The following LMLN variants were observed in gnomAD, a reference collection of about 807,000 sequenced individuals.
LMLN encodes leishmanolysin like peptidase, also known as leishmanolysin-like peptidase.
Under a neutral mutation model 92.3 loss-of-function variants are expected in LMLN, and 70 were observed. That is an observed-to-expected ratio of 0.76 (90% CI 0.63 to 0.92). The LOEUF (loss-of-function observed/expected upper bound fraction) is 0.92, where lower values mean the gene tolerates loss of function less well. Ranked by LOEUF, LMLN falls within the 40% of genes least tolerant of loss-of-function variation. The pLI is 0.00. For missense variants in LMLN, 691 were observed against 814.6 expected, an observed-to-expected ratio of 0.85 and a Z score of 1.85; for synonymous variants, 308 against 296.2, an observed-to-expected ratio of 1.04 and a Z score of -0.41.
rs1425356967 is a variant in LMLN, at chr3:197,975,030, C to A, written c.318-12C>A. On this transcript the variant is annotated splice_polypyrimidine_tract_variant and intron_variant, in intron 2 of 15. Coordinates refer to ENST00000330198, the Ensembl canonical transcript of LMLN. ...AGAGATAATCCTTATGTTTTTATGT[C>A]ATTATTTTCAGGTTGCTCCCTGAGA... The A allele has an allele frequency of 1.4e-6, 2 of 1,465,070 alleles. No individual in the cohort carries two copies. The highest frequency in any genetic ancestry group is 2.3e-5 in the East Asian group (1 of 43,972). 90.8% of individuals were successfully genotyped at this position (1,465,070 alleles called of 1,614,324 possible).
chr3:197,979,642 CCT>C (rs1253127718), intron 5 of LMLN, among the ~76,000 whole-genome samples: 1 of 152,066 alleles, frequency 6.6e-6, no homozygotes, highest in Non-Finnish European at 1.5e-5. Context: ...ATGGTGAAAC[CCT>C]GTCTCTACTA....
intron 6 of LMLN, among the ~76,000 whole-genome samples, chr3:197,981,897 C>A (rs565555832): frequency 3.3e-5 from 5 of 151,696 alleles, no homozygotes; most frequent in Admixed American, 2.0e-4. Flanking sequence ...CTCTGCCTCC[C>A]GGGTTCAAGC....
chr3:198,042,545 C>T lies in LMLN; in HGVS notation c.*3878C>T, dbSNP rs1248751714. 1.3e-5 allele frequency: 2 copies of T among 152,116 alleles called. No individual in the cohort carries two copies. The highest frequency in any genetic ancestry group is 6.5e-5 in the Admixed American group (1 of 15,268). 9.4% of individuals were successfully genotyped at this position (152,116 alleles called of 1,614,324 possible). On this transcript the variant is annotated 3_prime_UTR_variant, in exon 16 of 16. Transcript: ENST00000330198. This position sits in a 1 kb window ranked among gnomAD's most constrained non-coding sequence, Gnocchi z 4.2. ...CCCTTCATGTTAGCAAAGACGAAGC[C>T]ACGTCGCTGTGTTAAGAGGGACAGG...
intron 9 of LMLN, among the ~76,000 whole-genome samples, chr3:197,992,745 A>G (rs927466949): frequency 6.6e-6 from 1 of 152,156 alleles, no homozygotes; most frequent in African/African-American, 2.4e-5. Flanking sequence ...AACTTTTCCA[A>G]AAAATTGAAG....
intron 6 of LMLN, among the ~76,000 whole-genome samples, chr3:197,983,619 G>A (rs1721619859): frequency 6.6e-6 from 1 of 152,150 alleles, no homozygotes; most frequent in Admixed American, 6.5e-5. Context: ...CTGAAATGCT[G>A]AAGTTAAATA....
At position 198,019,240 on chromosome 3, in the gene LMLN, T is replaced by G. The variant is rs1722718179; in HGVS notation, c.1233-13T>G. 2.5e-6 allele frequency: 4 copies of G among 1,605,540 alleles called. No homozygotes were observed. The highest frequency in any genetic ancestry group is 3.4e-6 in the Non-Finnish European group (4 of 1,177,684). ...TTAAAGTTTGATACCATGGTACTTCTCTTTGTTTGCAGGAGACAGATGCTG... is the reference window on the plus strand; with the variant it reads ...TTAAAGTTTGATACCATGGTACTTCGCTTTGTTTGCAGGAGACAGATGCTG... On this transcript the variant is annotated splice_polypyrimidine_tract_variant and intron_variant, in intron 11 of 15. Coordinates refer to ENST00000330198, the Ensembl canonical transcript of LMLN. This position sits in a 1 kb window ranked among gnomAD's most constrained non-coding sequence, Gnocchi z 5.5.
At chr3:198,005,233 A>C (rs9841796) in intron 11 of LMLN, among the ~76,000 whole-genome samples, 13,522 of 86,852 alleles carry the variant, frequency 0.16, 1,045 homozygotes, top group African/African-American at 0.2. Flanking sequence ...AGTAAGTTTG[A>C]CATCTATCTA....
intron 9 of LMLN, among the ~76,000 whole-genome samples, chr3:197,995,289 G>C (rs766906094): frequency 1.9e-4 from 29 of 152,118 alleles, no homozygotes; most frequent in Non-Finnish European, 3.4e-4. Context: ...TGCAGTTACT[G>C]GTAAGGCTTC....
chr3:197,986,780 G>A (rs1398038962), intron 8 of LMLN, among the ~76,000 whole-genome samples: 1 of 151,818 alleles, frequency 6.6e-6, no homozygotes, highest in East Asian at 1.9e-4. Flanking sequence ...AGGTGAGCTG[G>A]TTGATTATAA....
exon 16 of LMLN, chr3:198,038,824 T>C (rs1723308205): frequency 6.4e-6 from 4 of 624,600 alleles, no homozygotes; most frequent in Non-Finnish European, 1.1e-5. Context: ...AAGCAGAACT[T>C]CACAGCAGCC....
chr3:197,970,159 CAAAATAAATAAAT>C (rs1721184229), intron 1 of LMLN, among the ~76,000 whole-genome samples: 1 of 151,464 alleles, frequency 6.6e-6, no homozygotes, highest in African/African-American at 2.4e-5. Context: ...CAAAAAAACC[CAAAATAAATAAAT>C]AAAATAAATA....
intron 13 of LMLN, among the ~76,000 whole-genome samples, chr3:198,024,114 T>C (rs1722854096): frequency 6.6e-6 from 1 of 152,170 alleles, no homozygotes; most frequent in Non-Finnish European, 1.5e-5. Context: ...CTAGAAAACG[T>C]TGGGCCCAGT....
chr3:197,979,401 C>T (rs774414090), intron 5 of LMLN, among the ~76,000 whole-genome samples: 86 of 152,258 alleles, frequency 5.6e-4, no homozygotes, highest in Non-Finnish European at 9.4e-4. Flanking sequence ...GGGCAAGGTG[C>T]GGTGACTCAC....
chr3:198,040,394 A>G (rs986197825), exon 16 of LMLN: 6 of 152,242 alleles, frequency 3.9e-5, no homozygotes, highest in Middle Eastern at 3.2e-3. Flanking sequence ...GTAATTTTTA[A>G]TGGCTAGATG....
At chr3:198,028,248 ACT>A (rs1428048678) in intron 14 of LMLN, among the ~76,000 whole-genome samples, 2 of 151,518 alleles carry the variant, frequency 1.3e-5, no homozygotes, top group Non-Finnish European at 2.9e-5. Flanking sequence ...ATTAGGGTTC[ACT>A]CTGGGTGTTT....
At chr3:198,023,578 AT>A (rs1722839864) in intron 13 of LMLN, among the ~76,000 whole-genome samples, 1 of 152,302 alleles carries the variant, frequency 6.6e-6, no homozygotes, top group South Asian at 2.1e-4. Context: ...TCTAATTTGC[AT>A]TTTTTAGCTT....
rs907886373 is a variant in LMLN at position 198,042,948 on chromosome 3, T to C, written c.*4281T>C. On this transcript the variant is annotated 3_prime_UTR_variant, in exon 16 of 16. Coordinates refer to ENST00000330198, the Ensembl canonical transcript of LMLN. This position sits in a 1 kb window ranked among gnomAD's most constrained non-coding sequence, Gnocchi z 4.2. ...ACCAGTAACCCTTACATTTTTCCTA[T>C]AGGATAGTTATTTTTGTTGAGATCA... 1 of 152,192 alleles carries C rather than the reference T, an allele frequency of 6.6e-6. No individual in the cohort carries two copies. The highest frequency in any genetic ancestry group is 2.4e-5 in the African/African-American group (1 of 41,462). The allele number at this position is 152,192 out of a possible 1,614,324, so 9.4% of individuals were successfully genotyped here. A position where few individuals can be genotyped will look rare whatever the true frequency, so the allele number is the denominator to read the frequency against.
rs377431116 is a variant in LMLN, at chr3:198,028,356, G to A, written c.1656+3568G>A. ...GGGCTTTGACACCTGTAGGATATTCGTCCATAAGATAAATGAGTTGTTGAA... is the reference window on the plus strand; with the variant it reads ...GGGCTTTGACACCTGTAGGATATTCATCCATAAGATAAATGAGTTGTTGAA... On this transcript the variant is annotated intron_variant, in intron 14 of 15. Coordinates refer to ENST00000330198, the Ensembl canonical transcript of LMLN. 3.9e-5 allele frequency among the ~76,000 whole-genome samples: 6 copies of A among 152,298 alleles called. No homozygotes were observed. The South Asian group carries it at 8.3e-4, about 21-fold the overall frequency.
At chr3:197,992,097 A>C (rs1247144582) in intron 9 of LMLN, among the ~76,000 whole-genome samples, 4 of 150,116 alleles carry the variant, frequency 2.7e-5, no homozygotes, top group Non-Finnish European at 5.9e-5. Context: ...CTCAAAAAAA[A>C]AAAAAAAAAG....
Sources: gnomAD v4.1 joint callset for allele counts (sites outside exome capture counted in the v4.1 genomes callset) on GRCh38, gnomAD v4.1.1 for gene constraint, Gnocchi (gnomAD v3.1) non-coding constraint, MANE v1.5 for transcripts, NCBI Gene and HGNC (gene_info 2026-07-23, HGNC 2026-07-21) for gene names.